Variants in OXR1 observed in about 807,000 individuals in gnomAD.
OXR1 encodes the protein oxidation resistance 1.
In OXR1, 41 loss-of-function variants were observed where a neutral mutation model predicts 104.6. That is an observed-to-expected ratio of 0.39 (90% CI 0.31 to 0.51). The LOEUF is 0.51. Among genes scored for constraint, OXR1 ranks in the 20% least tolerant of loss-of-function variants. The pLI, the probability that OXR1 is intolerant of heterozygous loss-of-function variation, is 0.77. For synonymous variants in OXR1, 348 were observed against 348.4 expected (o/e 1.00, Z 0.01); for missense variants, 955 against 1,031.9 (o/e 0.93, Z 1.02).
chr8:106,455,315 CTATT>C (rs1217271623), intron 2 of OXR1, among the ~76,000 whole-genome samples: 2 of 152,184 alleles, frequency 1.3e-5, no homozygotes, highest in East Asian at 3.9e-4. Flanking sequence ...ATTGAACAAT[CTATT>C]TGATAAATGA....
At position 106,706,728 on chromosome 8, in the gene OXR1, A is replaced by G; in HGVS notation, c.1207A>G (p.Asn403Asp). 2 of 1,611,700 alleles carry G rather than the reference A, an allele frequency of 1.2e-6. No homozygotes were observed. The highest frequency in any genetic ancestry group is 1.7e-6 in the Non-Finnish European group (2 of 1,179,384). ...AAGATCTGATACTGAACATTCTACA[A>G]ATGAAGTTGGGACTTTATGTCATAA... The part of the protein sequence containing the change: ...HLRSDTEHST[N>D]EVGTLCHKTD... Residue 403 changes from asparagine (N) to aspartate (D), a missense_variant, in exon 9 of 17, where the codon AAT (asparagine) becomes GAT (aspartate). Around this residue, in one of 2 missense-constraint regions of OXR1, gnomAD observed 849 missense variants for 852.9 expected, o/e 1.00. Coordinates refer to ENST00000517566, the MANE Select transcript of OXR1 (RefSeq NM_001198533.2).
intron 1 of OXR1, among the ~76,000 whole-genome samples, chr8:106,347,538 G>T (rs1053550493): frequency 6.6e-6 from 1 of 152,262 alleles, no homozygotes; most frequent in Non-Finnish European, 1.5e-5. Context: ...TGACTTAACA[G>T]ATATTTATTG....
At chr8:106,702,378 A>T (rs1162610101) in intron 7 of OXR1, among the ~76,000 whole-genome samples, 3 of 152,224 alleles carry the variant, frequency 2.0e-5, no homozygotes, top group African/African-American at 7.2e-5. Flanking sequence ...CAGATGAAGA[A>T]ATAAGCCCAG....
chr8:106,424,513 G>A (rs888650852), intron 2 of OXR1, among the ~76,000 whole-genome samples: 1 of 151,952 alleles, frequency 6.6e-6, no homozygotes, highest in African/African-American at 2.4e-5. Flanking sequence ...ATTCTATTAT[G>A]TATTTAACCA....
chr8:106,728,360 T>C (rs1399878835), intron 11 of OXR1, among the ~76,000 whole-genome samples: 2 of 152,162 alleles, frequency 1.3e-5, no homozygotes, highest in Admixed American at 1.3e-4. Context: ...ATATTATTAC[T>C]ACCTCTGTAA....
At position 106,707,156 on chromosome 8, in the gene OXR1, T is replaced by C. The variant is rs557087139; in HGVS notation, c.1624+11T>C. The C allele has an allele frequency of 1.5e-5, 24 of 1,610,630 alleles. No individual in the cohort carries two copies. The highest frequency in any genetic ancestry group is 1.3e-4 in the Admixed American group (8 of 59,912). ...ATGGACACATAGAAAGTAAGTGTTA[T>C]AGAGTAAATGAAGTTAGTTCATCCA... is the stretch of plus-strand genomic sequence containing the variant. On this transcript the variant is annotated intron_variant, in intron 9 of 16. Transcript: ENST00000517566.
At chr8:106,528,372 C>T (rs1813846380) in intron 3 of OXR1, among the ~76,000 whole-genome samples, 1 of 152,176 alleles carries the variant, frequency 6.6e-6, no homozygotes, top group Non-Finnish European at 1.5e-5. Context: ...TGCAATGATC[C>T]TGTCTTTTGC....
chr8:106,310,139 C>T (rs1000857982), intron 1 of OXR1, among the ~76,000 whole-genome samples: 2 of 151,312 alleles, frequency 1.3e-5, no homozygotes, highest in Admixed American at 1.3e-4. Flanking sequence ...CATATTATGG[C>T]TATAAAAATG....
At chr8:106,351,989 A>G (rs952024051) in intron 1 of OXR1, among the ~76,000 whole-genome samples, 8 of 152,176 alleles carry the variant, frequency 5.3e-5, no homozygotes, top group African/African-American at 1.9e-4. Context: ...AGTTTCTGAC[A>G]CCATAGTAGT....
intron 3 of OXR1, among the ~76,000 whole-genome samples, chr8:106,593,244 C>G (rs1586863231): frequency 6.6e-6 from 1 of 152,126 alleles, no homozygotes; most frequent in Admixed American, 6.5e-5. Flanking sequence ...TAAGTATGCA[C>G]GTTGACTCCT....
chr8:106,653,218 C>T (rs1240769071), intron 3 of OXR1, among the ~76,000 whole-genome samples: 1 of 151,642 alleles, frequency 6.6e-6, no homozygotes, highest in Non-Finnish European at 1.5e-5. Context: ...TTCAGAAACT[C>T]TTCCAAAAAA....
intron 1 of OXR1, among the ~76,000 whole-genome samples, chr8:106,305,457 G>A (rs1288234602): frequency 6.6e-6 from 1 of 152,086 alleles, no homozygotes; most frequent in East Asian, 1.9e-4. Context: ...TTAGGAGACA[G>A]ATTTAAATAA....
At position 106,723,931 on chromosome 8, in the gene OXR1, A is replaced by G. The variant is rs1168365249; in HGVS notation, c.1956+9946A>G. On this transcript the variant is annotated intron_variant, in intron 11 of 16. Transcript: ENST00000517566. ...CATCCTCCTCAGTAGATGGGACTAC[A>G]GGTATGTGCCACCTCATCCAGCTAA... Among the ~76,000 whole-genome samples the G allele has an allele frequency of 2.0e-5, 3 of 151,418 alleles. No individual in the cohort carries two copies. The South Asian group carries it at 6.3e-4, about 32-fold the overall frequency.
chr8:106,421,212 C>T (rs149482738), intron 2 of OXR1, among the ~76,000 whole-genome samples: 1 of 152,188 alleles, frequency 6.6e-6, no homozygotes, highest in African/African-American at 2.4e-5. Flanking sequence ...CACACACATT[C>T]TATAGAACAC....
chr8:106,352,759 C>T (rs1309191336), intron 1 of OXR1, among the ~76,000 whole-genome samples: 2 of 151,928 alleles, frequency 1.3e-5, no homozygotes, highest in African/African-American at 4.8e-5. Flanking sequence ...TGTTAGGCTG[C>T]CATTTTATCA....
At chr8:106,572,821 T>G (rs1446619454) in intron 3 of OXR1, among the ~76,000 whole-genome samples, 2 of 152,108 alleles carry the variant, frequency 1.3e-5, no homozygotes, top group African/African-American at 2.4e-5. Flanking sequence ...CTTCCACGTG[T>G]TTAAGTATTT....
chr8:106,674,211 G>T (rs529327506), intron 3 of OXR1, among the ~76,000 whole-genome samples: 1 of 152,342 alleles, frequency 6.6e-6, no homozygotes, highest in Non-Finnish European at 1.5e-5. Flanking sequence ...CACAGGGGTG[G>T]AACTGCTCAA....
intron 3 of OXR1, among the ~76,000 whole-genome samples, chr8:106,672,315 T>C (rs1213873425): frequency 1.6e-5 from 2 of 128,312 alleles, no homozygotes; most frequent in South Asian, 2.4e-4. Flanking sequence ...CTGTCTCTAC[T>C]AAAAATGAAA....
rs776325768 is a variant in OXR1 at position 106,541,271 on chromosome 8, GTAAA to G, written c.220+22141_220+22144del. 3.9e-5 allele frequency among the ~76,000 whole-genome samples: 6 copies of G among 152,276 alleles called. No homozygotes were observed. In the East Asian group the frequency reaches 5.8e-4, roughly 15 times the overall value. ...TAGTGTGTCAGACACATAGTAAGTG[GTAAA>G]TAAATAAAAGTGAATAACTATTATG... is the stretch of plus-strand genomic sequence containing the variant. On this transcript the variant is annotated intron_variant, in intron 3 of 16. Transcript: ENST00000517566.
Sources: gnomAD v4.1 joint callset for allele counts (sites outside exome capture counted in the v4.1 genomes callset) on GRCh38, gnomAD v4.1.1 for gene constraint, gnomAD v4.1.1 regional missense constraint, MANE v1.5 for transcripts, NCBI Gene and HGNC (gene_info 2026-07-23, HGNC 2026-07-21) for gene names.